Variants in TMEM131 observed in about 807,000 individuals in gnomAD.
TMEM131 encodes transmembrane protein 131.
TMEM131 carries 66 observed loss-of-function variants against 211.6 expected under a neutral mutation model. The ratio of observed to expected loss-of-function variants is 0.31; its 90% CI spans 0.26 to 0.38. TMEM131 has a LOEUF of 0.38. Ranked by LOEUF, TMEM131 falls within the 10% of genes least tolerant of loss-of-function variation. TMEM131 has a pLI of 1.00. For missense variants in TMEM131, 2,036 were observed against 2,299.3 expected (o/e 0.89, Z 2.34); for synonymous variants, 844 against 841.3 (o/e 1.00, Z -0.06).
intron 1 of TMEM131, among the ~76,000 whole-genome samples, chr2:97,977,902 A>G (rs1464195605): frequency 6.6e-6 from 1 of 152,078 alleles, no homozygotes; most frequent in African/African-American, 2.4e-5. Flanking sequence ...CCTGGCCAAC[A>G]TAGTGAAACC....
chr2:97,773,555 G>A (rs1333246957), intron 32 of TMEM131, among the ~76,000 whole-genome samples: 4 of 152,156 alleles, frequency 2.6e-5, no homozygotes, highest in Non-Finnish European at 5.9e-5. Context: ...CCTGCCCCAC[G>A]GATTTCTGTG....
intron 1 of TMEM131, among the ~76,000 whole-genome samples, chr2:97,934,486 TC>T (rs755621197): frequency 6.6e-6 from 1 of 152,040 alleles, no homozygotes; most frequent in Non-Finnish European, 1.5e-5. Flanking sequence ...CCTGTAAAAA[TC>T]CCAGGATAAT....
At position 97,927,333 on chromosome 2, in the gene TMEM131, T is replaced by C. The variant is rs1316248876; in HGVS notation, c.249+93A>G. 4.1e-6 allele frequency: 4 copies of C among 964,956 alleles called. No homozygotes were observed. The East Asian group carries it at 1.1e-4, about 27-fold the overall frequency. The allele number at this position is 964,956 out of a possible 1,614,324, so 59.8% of individuals were successfully genotyped here. ...TCAAAGCTCATAAAATATAAATATA[T>C]TTCAGATAAACCAATTACATTTTTA... On this transcript the variant is annotated intron_variant, in intron 2 of 40. Transcript: ENST00000186436.
intron 4 of TMEM131, among the ~76,000 whole-genome samples, chr2:97,865,555 T>C: frequency 6.6e-6 from 1 of 152,246 alleles, no homozygotes; most frequent in East Asian, 1.9e-4. Flanking sequence ...TTCCCTGTAT[T>C]GATTTTTTCA....
In TMEM131 at chr2:97,792,837, G is replaced by A. The variant is rs772881354; in HGVS notation, c.3693C>T (p.Asp1231=). 1.6e-5 allele frequency: 26 copies of A among 1,613,802 alleles called. No homozygotes were observed. The highest frequency in any genetic ancestry group is 1.0e-4 in the Admixed American group (6 of 59,994). Residue 1231 remains aspartate (D), a synonymous_variant, in exon 31 of 41, where the codon GAC becomes GAT. Transcript: ENST00000186436. ...HSSHSNRNSA[D]VENVRAKNSS... ...TGTTTTTGGCTCTGACGTTTTCCAC[G>A]TCAGCTGAGTTTCTATTGCTGTGAC... is the stretch of plus-strand genomic sequence containing the variant.
chr2:97,822,253 C>T (rs549389528), intron 11 of TMEM131, among the ~76,000 whole-genome samples: 1 of 152,290 alleles, frequency 6.6e-6, no homozygotes, highest in Non-Finnish European at 1.5e-5. Context: ...TTGCCCAAAG[C>T]CCCTTCGAGG....
At chr2:97,907,200 G>A (rs754131017) in intron 3 of TMEM131, 2 of 152,178 alleles carry the variant, frequency 1.3e-5, no homozygotes, top group Non-Finnish European at 2.9e-5. Context: ...ACATGCAGTG[G>A]TTTGGAGACA....
chr2:97,920,970 A>AGTGTGTGTGTGTGTGTGT (rs57343769), intron 2 of TMEM131, among the ~76,000 whole-genome samples: 1 of 146,630 alleles, frequency 6.8e-6, no homozygotes, highest in Admixed American at 6.9e-5. Context: ...AAAAATCCCG[A>AGTGTGTGTGTGTGTGTGT]GTGTGTGTGT....
At chr2:97,889,551 AATAT>A (rs1157439337) in intron 3 of TMEM131, among the ~76,000 whole-genome samples, 2 of 82,380 alleles carry the variant, frequency 2.4e-5, no homozygotes, top group African/African-American at 5.8e-5. Flanking sequence ...ATTCCTATAT[AATAT>A]TATATTCCTA....
At chr2:97,878,044 T>C (rs919213453) in intron 4 of TMEM131, among the ~76,000 whole-genome samples, 1 of 152,126 alleles carries the variant, frequency 6.6e-6, no homozygotes, top group African/African-American at 2.4e-5. Context: ...GGGCAAAGGA[T>C]AGGAACAGAC....
intron 2 of TMEM131, among the ~76,000 whole-genome samples, chr2:97,914,336 C>A (rs944322022): frequency 1.3e-5 from 2 of 152,220 alleles, no homozygotes; most frequent in African/African-American, 4.8e-5. Flanking sequence ...ACATCACAAG[C>A]AGCACAGCGA....
chr2:97,922,384 T>G (rs1676779351), intron 2 of TMEM131, among the ~76,000 whole-genome samples: 1 of 151,946 alleles, frequency 6.6e-6, no homozygotes, highest in African/African-American at 2.4e-5. Flanking sequence ...TTCTAATCCC[T>G]CAGAAAAAAA....
chr2:97,837,108 G>C lies in TMEM131; in HGVS notation c.773C>G (p.Thr258Arg). 1 of 1,611,474 alleles carries C rather than the reference G, an allele frequency of 6.2e-7. No homozygotes were observed. The highest frequency in any genetic ancestry group is 8.5e-7 in the Non-Finnish European group (1 of 1,178,924). Residue 258 changes from threonine (T) to arginine (R), a missense_variant, in exon 8 of 41, where the codon ACG (threonine) becomes AGG (arginine). Around this residue, in one of 3 missense-constraint regions of TMEM131, gnomAD observed 277 missense variants for 378.0 expected, o/e 0.73. Transcript: ENST00000186436. ...TTTTCTGGTACCTCCTTGTTGACCCGTTGGGAGTTCTAGGTGAAGGTCTCC... is the reference window on the plus strand; with the variant it reads ...TTTTCTGGTACCTCCTTGTTGACCCCTTGGGAGTTCTAGGTGAAGGTCTCC... ...SGGDLHLELPTGQQGGTRKLW... is the reference protein window; with the variant it reads ...SGGDLHLELPRGQQGGTRKLW...
At chr2:97,910,318 T>C (rs965689651) in intron 2 of TMEM131, among the ~76,000 whole-genome samples, 22 of 152,302 alleles carry the variant, frequency 1.4e-4, no homozygotes, top group African/African-American at 4.8e-4. Flanking sequence ...GAAAACAGTA[T>C]TGTGGTTCCC....
At chr2:97,967,538 T>G (rs1041735364) in intron 1 of TMEM131, among the ~76,000 whole-genome samples, 9 of 151,536 alleles carry the variant, frequency 5.9e-5, no homozygotes, top group Non-Finnish European at 1.2e-4. Context: ...AGTATAAAGA[T>G]CACATGGAAA....
intron 7 of TMEM131, among the ~76,000 whole-genome samples, chr2:97,838,721 G>A (rs889798619): frequency 6.6e-6 from 1 of 152,100 alleles, no homozygotes; most frequent in African/African-American, 2.4e-5. Context: ...GGGATTACAG[G>A]CATGAGCCAC....
At chr2:97,821,205 T>C (rs958931648) in intron 11 of TMEM131, among the ~76,000 whole-genome samples, 18 of 151,914 alleles carry the variant, frequency 1.2e-4, no homozygotes, top group African/African-American at 3.4e-4. Flanking sequence ...AGCTAAAGGA[T>C]TGTAAATGCA....
At chr2:97,822,850 C>G (rs1336165240) in intron 11 of TMEM131, among the ~76,000 whole-genome samples, 1 of 152,124 alleles carries the variant, frequency 6.6e-6, no homozygotes, top group South Asian at 2.1e-4. Context: ...CAGGCTCACC[C>G]TTGAAATGCA....
chr2:97,933,080 C>A (rs964605511), intron 1 of TMEM131, among the ~76,000 whole-genome samples: 23 of 152,096 alleles, frequency 1.5e-4, no homozygotes, highest in Non-Finnish European at 2.8e-4. Context: ...GTATCATATA[C>A]CTTAGGTATG....
Sources: gnomAD v4.1 joint callset for allele counts (sites outside exome capture counted in the v4.1 genomes callset) on GRCh38, gnomAD v4.1.1 for gene constraint, gnomAD v4.1.1 regional missense constraint, MANE v1.5 for transcripts, NCBI Gene and HGNC (gene_info 2026-07-23, HGNC 2026-07-21) for gene names.